The following LDLRAD4 variants were observed in gnomAD, a reference collection of about 807,000 sequenced individuals.
The protein encoded by LDLRAD4 is low-density lipoprotein receptor class A domain-containing protein 4.
A neutral mutation model predicts 17.0 loss-of-function variants in LDLRAD4; 5 were observed. That is an observed-to-expected ratio of 0.29 (90% CI 0.15 to 0.62). The LOEUF is 0.62. Among genes scored for constraint, LDLRAD4 ranks in the 20% least tolerant of loss-of-function variants. The pLI, the probability that LDLRAD4 is intolerant of heterozygous loss-of-function variation, is 0.84. For synonymous variants in LDLRAD4, 168 were observed against 171.8 expected, an observed-to-expected ratio of 0.98 and a Z score of 0.17; for missense variants, 340 against 424.7, an observed-to-expected ratio of 0.80 and a Z score of 1.75.
At chr18:13,391,435 C>G (rs2086268833) in intron 2 of LDLRAD4, among the ~76,000 whole-genome samples, 2 of 152,138 alleles carry the variant, frequency 1.3e-5, no homozygotes, top group African/African-American at 4.8e-5. Context: ...ATGGAGTTCA[C>G]TCTGACCTCG....
chr18:13,228,442 C>T (rs534966414), intron 1 of LDLRAD4, among the ~76,000 whole-genome samples: 5 of 152,224 alleles, frequency 3.3e-5, no homozygotes, highest in South Asian at 2.1e-4. Context: ...CAGAGCTGAC[C>T]GATTTCTGTC....
intron 3 of LDLRAD4, among the ~76,000 whole-genome samples, chr18:13,442,017 A>G (rs1476522093): frequency 6.6e-6 from 1 of 152,224 alleles, no homozygotes; most frequent in Non-Finnish European, 1.5e-5. Flanking sequence ...CTAAGTTGCC[A>G]GGTTTTGTCA....
At chr18:13,606,687 T>C (rs2095227593) in intron 3 of LDLRAD4, among the ~76,000 whole-genome samples, 1 of 152,216 alleles carries the variant, frequency 6.6e-6, no homozygotes, top group South Asian at 2.1e-4. Flanking sequence ...AACATAAAGT[T>C]TGTGTTCTTT....
chr18:13,465,311 A>G (rs1445418894), intron 3 of LDLRAD4, among the ~76,000 whole-genome samples: 1 of 152,174 alleles, frequency 6.6e-6, no homozygotes, highest in East Asian at 1.9e-4. Flanking sequence ...ATTGATTCTG[A>G]AGGTCAGATG....
At position 13,350,658 on chromosome 18, in the gene LDLRAD4, G is replaced by T. The variant is rs959622140; in HGVS notation, c.-382-36683G>T. On this transcript the variant is annotated intron_variant, in intron 1 of 5. Coordinates refer to ENST00000359446, the Ensembl canonical transcript of LDLRAD4. ...AATTAGATCTCATTTGTCAATTTTT[G>T]CTTTTGGTGCAATTGCTTTTGGCAT... Among the ~76,000 whole-genome samples the T allele has an allele frequency of 4.6e-5, 7 of 152,196 alleles. No individual in the cohort carries two copies. The East Asian group carries it at 1.3e-3, about 29-fold the overall frequency.
chr18:13,515,316 T>C (rs926204242), intron 3 of LDLRAD4: 1 of 152,260 alleles, frequency 6.6e-6, no homozygotes, highest in African/African-American at 2.4e-5. Context: ...TTTCTGACTT[T>C]GCTTTTTGAA....
intron 1 of LDLRAD4, among the ~76,000 whole-genome samples, chr18:13,219,406 G>T (rs1166073234): frequency 3.3e-5 from 5 of 152,096 alleles, no homozygotes; most frequent in African/African-American, 1.2e-4. Flanking sequence ...CTTTTCCTCT[G>T]TGTCTTGGTC....
chr18:13,532,661 G>C (rs1053721374), intron 3 of LDLRAD4, among the ~76,000 whole-genome samples: 3 of 152,222 alleles, frequency 2.0e-5, no homozygotes, highest in African/African-American at 7.2e-5. Flanking sequence ...TCATCATCTT[G>C]TCTGGTTTTA....
intron 1 of LDLRAD4, among the ~76,000 whole-genome samples, chr18:13,320,561 C>T (rs929641557): frequency 6.6e-6 from 1 of 152,142 alleles, no homozygotes; most frequent in Non-Finnish European, 1.5e-5. Context: ...TGAATTCTTC[C>T]AGTAACAGAG....
chr18:13,612,177 T>A (rs1271616459), intron 3 of LDLRAD4: 1 of 987,176 alleles, frequency 1.0e-6, no homozygotes, highest in East Asian at 1.1e-4. Flanking sequence ...GGTTTGATAT[T>A]TGCCTGTTGA....
chr18:13,425,574 C>G (rs1413014637), intron 2 of LDLRAD4, among the ~76,000 whole-genome samples: 1 of 152,146 alleles, frequency 6.6e-6, no homozygotes, highest in Admixed American at 6.5e-5. Context: ...GAGCTGTGTT[C>G]AGAGGAGGAA....
chr18:13,315,519 C>A (rs749990691), intron 1 of LDLRAD4, among the ~76,000 whole-genome samples: 12 of 152,036 alleles, frequency 7.9e-5, no homozygotes, highest in African/African-American at 2.9e-4. Flanking sequence ...ATAGGCCAGG[C>A]GTGGTGGCTC....
At chr18:13,345,014 A>T (rs537537570) in intron 1 of LDLRAD4, among the ~76,000 whole-genome samples, 10 of 152,308 alleles carry the variant, frequency 6.6e-5, no homozygotes, top group Non-Finnish European at 1.5e-4. Context: ...ATATACAGTC[A>T]TGTCATCTGC....
intron 3 of LDLRAD4, among the ~76,000 whole-genome samples, chr18:13,442,566 G>A (rs1221812775): frequency 6.6e-6 from 1 of 152,232 alleles, no homozygotes; most frequent in Non-Finnish European, 1.5e-5. Context: ...AATGTATAAG[G>A]CTGCACCTCC....
chr18:13,255,161 T>C (rs2043434529), intron 1 of LDLRAD4, among the ~76,000 whole-genome samples: 1 of 152,190 alleles, frequency 6.6e-6, no homozygotes, highest in South Asian at 2.1e-4. Flanking sequence ...AGCCCTGCTG[T>C]GTGCTGGGCA....
At chr18:13,590,014 TG>T (rs1446199130) in intron 3 of LDLRAD4, among the ~76,000 whole-genome samples, 1 of 144,534 alleles carries the variant, frequency 6.9e-6, no homozygotes, top group African/African-American at 2.8e-5. Context: ...CGTGTGTGGC[TG>T]TGCATGTGTA....
chr18:13,447,970 G>C (rs1187205540), intron 3 of LDLRAD4, among the ~76,000 whole-genome samples: 1 of 152,190 alleles, frequency 6.6e-6, no homozygotes, highest in East Asian at 1.9e-4. Context: ...CTGCTTCCTG[G>C]GGGAGGCCAA....
At chr18:13,505,916 G>A (rs2093684803) in intron 3 of LDLRAD4, among the ~76,000 whole-genome samples, 1 of 152,190 alleles carries the variant, frequency 6.6e-6, no homozygotes, top group Non-Finnish European at 1.5e-5. Flanking sequence ...TCTGAGCGGT[G>A]CCACCTCCTC....
chr18:13,391,594 A>G (rs567969115), intron 2 of LDLRAD4, among the ~76,000 whole-genome samples: 1 of 152,344 alleles, frequency 6.6e-6, no homozygotes, highest in Non-Finnish European at 1.5e-5. Flanking sequence ...AGTCATTTAG[A>G]TAGTATTTTA....
Sources: allele counts gnomAD v4.1 joint callset (sites outside exome capture counted in the v4.1 genomes callset), GRCh38; gene constraint gnomAD v4.1.1; transcripts MANE v1.5; gene names NCBI Gene and HGNC (gene_info 2026-07-23, HGNC 2026-07-21).